RPUSD4: variants seen among roughly 807,000 people sequenced by gnomAD.
RPUSD4 encodes the protein pseudouridylate synthase RPUSD4, mitochondrial.
RPUSD4 carries 37 observed loss-of-function variants against 35.4 expected under a neutral mutation model. That is an observed-to-expected ratio of 1.04 (90% CI 0.80 to 1.37). RPUSD4 has a LOEUF of 1.37. Among genes scored for constraint, RPUSD4 ranks in the 40% most tolerant of loss-of-function variants. The probability of loss-of-function intolerance (pLI) is 0.00; values close to 1 mark genes in which losing one functional copy is unlikely to be tolerated. For synonymous variants in RPUSD4, 210 were observed against 192.7 expected (o/e 1.09, Z -0.74); for missense variants, 507 against 484.9 (o/e 1.05, Z -0.43).
At chr11:126,207,569 C>A (rs1365036070) in intron 3 of RPUSD4, among the ~76,000 whole-genome samples, 1 of 152,212 alleles carries the variant, frequency 6.6e-6, no homozygotes, top group Non-Finnish European at 1.5e-5. Context: ...CTGGGCCAGA[C>A]ACAGTGGCTC....
At chr11:126,204,138 T>C (rs1949742919) in intron 6 of RPUSD4, 93 bp downstream of exon 6, 2 of 879,128 alleles carry the variant, frequency 2.3e-6, no homozygotes, top group Non-Finnish European at 3.7e-6. Context: ...AGACAATCAG[T>C]AGGCTTTGTT....
At chr11:126,208,380 G>A (rs570837392) in intron 3 of RPUSD4, among the ~76,000 whole-genome samples, 10 of 152,256 alleles carry the variant, frequency 6.6e-5, no homozygotes, top group East Asian at 1.9e-4. Flanking sequence ...AAACTGTAGG[G>A]TACAAAACTC....
In RPUSD4 at chr11:126,205,747, C is replaced by T. The variant is rs746782025; in HGVS notation, c.592G>A (p.Gly198Arg). The T allele has an allele frequency of 6.2e-7, 1 of 1,612,432 alleles. No individual in the cohort carries two copies. The highest frequency in any genetic ancestry group is 1.1e-5 in the South Asian group (1 of 90,798). ...TCCACAATGGGGATGTCCACGACTC[C>T]TGCTGAGGGCATGGGGACATGCACA... ...ITVHVPMPSAGVVDIPIVEKE... is the reference protein window; with the variant it reads ...ITVHVPMPSARVVDIPIVEKE... Residue 198 changes from glycine to arginine, a missense_variant, in exon 4 of 7, where the codon GGA becomes AGA. Physicochemically the swap from Gly to Arg is moderately radical, Grantham distance 125. Coordinates refer to ENST00000298317, the MANE Select transcript of RPUSD4 (RefSeq NM_032795.3).
chr11:126,211,538 G>A lies in RPUSD4; in HGVS notation c.101C>T (p.Ala34Val), dbSNP rs755459209. Residue 34 changes from alanine (A) to valine (V), a missense_variant, in exon 1 of 7, where the codon GCT becomes GTT. Transcript: ENST00000298317. The stretch of plus-strand genomic sequence containing the variant: ...ATTTATGGCCGTAGAGGCAGCGGCA[G>A]CGGCACAAAATGGCTTTGAGACGAG... ...FTLVSKPFCA[A>V]AAASTAINAQ... is the part of the protein sequence containing the mutation. 1.2e-6 allele frequency: 2 copies of A among 1,614,138 alleles called. No homozygotes were observed. Among genetic ancestry groups the A allele is most frequent in the South Asian group, 1.1e-5 (1 of 91,092 alleles).
chr11:126,211,071 G>C lies in RPUSD4; in HGVS notation c.190-16C>G, dbSNP rs1949858135. The C allele has an allele frequency of 2.0e-5, 32 of 1,607,166 alleles. No individual in the cohort carries two copies. The highest frequency in any genetic ancestry group is 2.6e-5 in the Non-Finnish European group (31 of 1,179,020). The stretch of plus-strand genomic sequence containing the variant: ...TTGTGGACACCTAGGGAGAAAGAAG[G>C]AGCCGTGGGGAATGCCTGGTGCGGA... On this transcript the variant is annotated splice_polypyrimidine_tract_variant and intron_variant, in intron 1 of 6. Coordinates refer to ENST00000298317, the MANE Select transcript of RPUSD4 (RefSeq NM_032795.3).
chr11:126,204,712 T>TA lies in RPUSD4; in HGVS notation c.797-385dup, dbSNP rs1486462015. On this transcript the variant is annotated intron_variant, in intron 5 of 6. Transcript: ENST00000298317. Reference sequence around the variant, plus strand: ...TTTCCTGGTTTAACCACTGGCATTATACTAAATGCCAAGTCAGTGACATTA... The same window carrying TA: ...TTTCCTGGTTTAACCACTGGCATTATAACTAAATGCCAAGTCAGTGACATTA... Among the ~76,000 whole-genome samples the TA allele has an allele frequency of 7.9e-5, 12 of 152,358 alleles. No individual in the cohort carries two copies. The South Asian group carries it at 2.5e-3, about 32-fold the overall frequency.
chr11:126,210,676 C>T (rs1949845659), intron 2 of RPUSD4, among the ~76,000 whole-genome samples: 1 of 151,644 alleles, frequency 6.6e-6, no homozygotes, highest in African/African-American at 2.4e-5. Flanking sequence ...GCGTATTCTA[C>T]GAATTGCTTA....
At chr11:126,206,612 A>T (rs955639973) in intron 3 of RPUSD4, 7 of 152,180 alleles carry the variant, frequency 4.6e-5, no homozygotes, top group African/African-American at 1.7e-4. Context: ...AACTCATTCC[A>T]AATCACTTCT....
intron 3 of RPUSD4, among the ~76,000 whole-genome samples, chr11:126,207,705 CTGGGCATGGTGGCA>C (rs1406152837): frequency 6.6e-6 from 1 of 152,042 alleles, no homozygotes; most frequent in Non-Finnish European, 1.5e-5. Flanking sequence ...CAAAAATTAG[CTGGGCATGGTGGCA>C]TGTGCCTGTA....
chr11:126,205,604 C>T lies in RPUSD4; in HGVS notation c.660G>A (p.Leu220=). 1 of 1,614,254 alleles carries T rather than the reference C, an allele frequency of 6.2e-7. No homozygotes were observed. Among genetic ancestry groups the T allele is most frequent in the Admixed American group, 1.7e-5 (1 of 60,034 alleles). The change falls in exon 5 of 7, where the codon TTG becomes TTA. Residue 220 remains leucine (L), a synonymous_variant. Transcript: ENST00000298317. ...CATCGTCCATGCGGTAGCTCGGGGA[C>T]AATGTCATCTGAAGCCAAAGAAATC... ...QGQQQHHKMT[L]SPSYRMDDGK... is the part of the protein sequence containing the mutation.
chr11:126,211,297 T>C (rs1949863011), intron 1 of RPUSD4, 153 bp downstream of exon 1: 11 of 983,360 alleles, frequency 1.1e-5, no homozygotes, highest in Non-Finnish European at 1.7e-5. Context: ...GTACCCTTAC[T>C]GACCCCTCCC....
At chr11:126,208,536 T>G (rs1591489839) in intron 3 of RPUSD4, 1 of 152,280 alleles carries the variant, frequency 6.6e-6, no homozygotes, top group African/African-American at 2.4e-5. Context: ...TGCTCACGCA[T>G]CTTTTTTCTA....
chr11:126,207,850 GC>G (rs1280571803), intron 3 of RPUSD4, among the ~76,000 whole-genome samples: 1 of 151,652 alleles, frequency 6.6e-6, no homozygotes, highest in Non-Finnish European at 1.5e-5. Context: ...AAAAAAAAAG[GC>G]CAGGCACGGT....
rs745806719 is a variant in RPUSD4, at chr11:126,211,480, C to A, written c.159G>T (p.Gln53His). The A allele has an allele frequency of 6.2e-7, 1 of 1,614,014 alleles. No homozygotes were observed. The highest frequency in any genetic ancestry group is 1.1e-5 in the South Asian group (1 of 91,082). The change falls in exon 1 of 7, where the codon CAG (glutamine) becomes CAT (histidine). Residue 53 changes from glutamine to histidine, a missense_variant. Physicochemically the swap from Gln to His is conservative, Grantham distance 24 (BLOSUM62 0). Transcript: ENST00000298317. ...AQRLAEKLRA[Q>H]KREQDTKKEP... ...CCTTCTTTGTGTCTTGTTCCCGTTT[C>A]TGGGCTCGGAGCTTCTCCGCTAATC...
intron 3 of RPUSD4, chr11:126,208,762 C>G (rs78037025): frequency 6.6e-6 from 1 of 152,184 alleles, no homozygotes; most frequent in East Asian, 1.9e-4. Flanking sequence ...GCCGGACACG[C>G]GTATACTGCG....
At chr11:126,204,453 A>G in intron 5 of RPUSD4, 125 bp from the exon 6 acceptor site, 1 of 637,834 alleles carries the variant, frequency 1.6e-6, no homozygotes, top group African/African-American at 1.8e-5. Context: ...TCCCAACTAT[A>G]ATAAAGTATA....
rs1949815576 is a variant in RPUSD4, at chr11:126,209,503, C to T, written c.557+18G>A. On this transcript the variant is annotated intron_variant, in intron 3 of 6. Coordinates refer to ENST00000298317, the MANE Select transcript of RPUSD4 (RefSeq NM_032795.3). Reference sequence around the variant, plus strand: ...CCTCCACTTATACCACCTCTACTGCCATCAGCAGGCCTCATACCAGTACTT... The same window carrying T: ...CCTCCACTTATACCACCTCTACTGCTATCAGCAGGCCTCATACCAGTACTT... The T allele has an allele frequency of 6.2e-7, 1 of 1,604,850 alleles. No homozygotes were observed. Among genetic ancestry groups the T allele is most frequent in the East Asian group, 2.2e-5 (1 of 44,798 alleles).
At position 126,204,000 on chromosome 11, in the gene RPUSD4, A is replaced by C. The variant is rs113422351; in HGVS notation, c.894+231T>G. The stretch of plus-strand genomic sequence containing the variant: ...CCCTCCCCTTGTCCACAGCCTCCCA[A>C]CAAAATCTGAATAAACAAATGTAAC... On this transcript the variant is annotated intron_variant, in intron 6 of 6. Transcript: ENST00000298317. Among the ~76,000 whole-genome samples, 460 of 152,316 alleles carry C rather than the reference A, an allele frequency of 3.0e-3. 2 individuals carry two copies. Among genetic ancestry groups the C allele is most frequent in the African/African-American group, 0.011 (443 of 41,576 alleles).
At chr11:126,207,234 A>G (rs1949782841) in intron 3 of RPUSD4, among the ~76,000 whole-genome samples, 1 of 152,192 alleles carries the variant, frequency 6.6e-6, no homozygotes, top group Non-Finnish European at 1.5e-5. Flanking sequence ...TAACCTGCCC[A>G]AGGCCCCACA....
Sources: allele counts gnomAD v4.1 joint callset (sites outside exome capture counted in the v4.1 genomes callset), GRCh38; gene constraint gnomAD v4.1.1; transcripts MANE v1.5; gene names NCBI Gene and HGNC (gene_info 2026-07-23, HGNC 2026-07-21).